Variants in GALNTL6 observed in about 807,000 individuals in gnomAD.
GALNTL6 encodes the protein polypeptide N-acetylgalactosaminyltransferase like 6, also known as polypeptide N-acetylgalactosaminyltransferase-like 6.
A neutral mutation model predicts 73.7 loss-of-function variants in GALNTL6; 46 were observed. That is an observed-to-expected ratio of 0.62 (90% CI 0.49 to 0.80). The LOEUF is 0.80. Among genes scored for constraint, GALNTL6 ranks in the 30% least tolerant of loss-of-function variants. The pLI is 0.00. For missense variants in GALNTL6, 604 were observed against 755.0 expected (o/e 0.80, Z 2.34); for synonymous variants, 259 against 263.7 (o/e 0.98, Z 0.17).
intron 2 of GALNTL6, among the ~76,000 whole-genome samples, chr4:171,841,631 T>C (rs1735241209): frequency 6.6e-6 from 1 of 152,048 alleles, no homozygotes; most frequent in African/African-American, 2.4e-5. Context: ...AGCTATTCCT[T>C]TAGGAGGAAA....
intron 5 of GALNTL6, among the ~76,000 whole-genome samples, chr4:172,492,067 G>A (rs531835497): frequency 1.4e-5 from 2 of 147,562 alleles, no homozygotes; most frequent in South Asian, 2.1e-4. Flanking sequence ...ACACGGAAGC[G>A]GTCTATTCAC....
rs182430114 is a variant in GALNTL6 at position 171,979,453 on chromosome 4, G to T, written c.138+164735G>T. 2.0e-5 allele frequency among the ~76,000 whole-genome samples: 3 copies of T among 152,264 alleles called. No homozygotes were observed. In the East Asian group the frequency reaches 5.8e-4, roughly 29 times the overall value. ...CAGACAACCCCAAGGGCTAGAAATTGGACAAAAACAACAATTAGGATTGAA... is the reference window on the plus strand; with the variant it reads ...CAGACAACCCCAAGGGCTAGAAATTTGACAAAAACAACAATTAGGATTGAA... On this transcript the variant is annotated intron_variant, in intron 2 of 12. Coordinates refer to ENST00000506823, the MANE Select transcript of GALNTL6 (RefSeq NM_001034845.3).
chr4:172,656,742 T>A (rs1366849090), intron 5 of GALNTL6, among the ~76,000 whole-genome samples: 1 of 152,202 alleles, frequency 6.6e-6, no homozygotes, highest in Non-Finnish European at 1.5e-5. Flanking sequence ...CTCCTTAAAG[T>A]TTCCCTTTAA....
At position 172,961,677 on chromosome 4, in the gene GALNTL6, G is replaced by A. The variant is rs184660480; in HGVS notation, c.1371+9419G>A. Among the ~76,000 whole-genome samples, 850 of 152,250 alleles carry A rather than the reference G, an allele frequency of 5.6e-3. 10 individuals carry two copies. The highest frequency in any genetic ancestry group is 0.019 in the African/African-American group (776 of 41,542). The stretch of plus-strand genomic sequence containing the variant: ...GAGAAGGGAGAGATTGAAAGATGGT[G>A]CCAAGATTGAAAGGAGAAAGAGGTT... On this transcript the variant is annotated intron_variant, in intron 10 of 12. Coordinates refer to ENST00000506823, the MANE Select transcript of GALNTL6 (RefSeq NM_001034845.3).
chr4:172,047,961 G>GCT (rs1335478870), intron 2 of GALNTL6, among the ~76,000 whole-genome samples: 1 of 151,830 alleles, frequency 6.6e-6, no homozygotes, highest in African/African-American at 2.4e-5. Flanking sequence ...TTCTAGTATT[G>GCT]CTCTTCAGTT....
rs546863066 is a variant in GALNTL6 at position 172,914,550 on chromosome 4, G to T, written c.1042-16611G>T. ...ATAAGCTCAAAATAAAGGGATGGAG[G>T]AAGATCTACCAAGCAAATGGAAAAC... On this transcript the variant is annotated intron_variant, in intron 8 of 12. Transcript: ENST00000506823. Among the ~76,000 whole-genome samples the T allele has an allele frequency of 6.4e-4, 98 of 152,276 alleles. 4 individuals carry two copies. Among genetic ancestry groups the T allele is most frequent in the Admixed American group, 5.8e-3 (88 of 15,304 alleles).
chr4:172,979,700 T>C (rs753228230), intron 10 of GALNTL6, among the ~76,000 whole-genome samples: 1 of 152,214 alleles, frequency 6.6e-6, no homozygotes, highest in Non-Finnish European at 1.5e-5. Flanking sequence ...CCCTGCTTGG[T>C]TCTTAAACAC....
At chr4:172,908,938 T>C (rs919378570) in intron 8 of GALNTL6, among the ~76,000 whole-genome samples, 2 of 151,578 alleles carry the variant, frequency 1.3e-5, no homozygotes, top group Non-Finnish European at 2.9e-5. Flanking sequence ...TAAGAAGAAA[T>C]AGAATAATAA....
chr4:173,015,738 G>GA (rs879839287), intron 11 of GALNTL6, among the ~76,000 whole-genome samples: 22 of 151,692 alleles, frequency 1.5e-4, no homozygotes, highest in East Asian at 3.9e-4. Flanking sequence ...CGATGAGATA[G>GA]AAAAAAAAAT....
At chr4:172,655,935 A>C (rs977532370) in intron 5 of GALNTL6, among the ~76,000 whole-genome samples, 1 of 152,206 alleles carries the variant, frequency 6.6e-6, no homozygotes, top group Non-Finnish European at 1.5e-5. Context: ...GAGTGTAACC[A>C]TTGCTGATTT....
chr4:171,836,218 T>C (rs1338751241), intron 2 of GALNTL6, among the ~76,000 whole-genome samples: 2 of 152,056 alleles, frequency 1.3e-5, no homozygotes, highest in Non-Finnish European at 2.9e-5. Flanking sequence ...TTAAATTATA[T>C]AAAAATAGTT....
At chr4:172,711,313 G>A (rs1221484208) in intron 5 of GALNTL6, among the ~76,000 whole-genome samples, 2 of 152,136 alleles carry the variant, frequency 1.3e-5, no homozygotes, top group South Asian at 2.1e-4. Context: ...TTCTGTAAAC[G>A]TATAGAGATT....
intron 5 of GALNTL6, among the ~76,000 whole-genome samples, chr4:172,372,708 G>T (rs905163913): frequency 6.6e-6 from 1 of 152,140 alleles, no homozygotes; most frequent in African/African-American, 2.4e-5. Context: ...AGGTTTTGAA[G>T]GCTGTTTCTG....
At chr4:172,855,861 G>A (rs986925834) in intron 7 of GALNTL6, among the ~76,000 whole-genome samples, 1 of 152,186 alleles carries the variant, frequency 6.6e-6, no homozygotes, top group African/African-American at 2.4e-5. Context: ...CTTCTTTAGA[G>A]AGGCCTGGAT....
intron 2 of GALNTL6, among the ~76,000 whole-genome samples, chr4:172,142,615 G>C (rs1733829662): frequency 6.6e-6 from 1 of 151,930 alleles, no homozygotes; most frequent in African/African-American, 2.4e-5. Context: ...AAGATAACTT[G>C]TCTGATGAAC....
At chr4:172,166,710 A>G (rs1352072475) in intron 2 of GALNTL6, among the ~76,000 whole-genome samples, 1 of 152,326 alleles carries the variant, frequency 6.6e-6, no homozygotes, top group Non-Finnish European at 1.5e-5. Context: ...GAGCTTTTAC[A>G]AACCAATTGC....
At chr4:172,080,008 A>G (rs1411311067) in intron 2 of GALNTL6, among the ~76,000 whole-genome samples, 1 of 152,110 alleles carries the variant, frequency 6.6e-6, no homozygotes, top group Non-Finnish European at 1.5e-5. Flanking sequence ...TTATAGACTT[A>G]TATTTTATGT....
chr4:172,075,630 C>CG (rs1339589847), intron 2 of GALNTL6, among the ~76,000 whole-genome samples: 1 of 152,042 alleles, frequency 6.6e-6, no homozygotes, highest in Non-Finnish European at 1.5e-5. Flanking sequence ...CCACCGCGCC[C>CG]GGCCCCCAAC....
intron 2 of GALNTL6, among the ~76,000 whole-genome samples, chr4:172,170,351 T>G (rs532741923): frequency 6.6e-6 from 1 of 152,240 alleles, no homozygotes; most frequent in East Asian, 1.9e-4. Flanking sequence ...CCTTCGGTCA[T>G]TCTCTCTCCT....
Sources: gnomAD v4.1 joint callset for allele counts (sites outside exome capture counted in the v4.1 genomes callset) on GRCh38, gnomAD v4.1.1 for gene constraint, MANE v1.5 for transcripts, NCBI Gene and HGNC (gene_info 2026-07-23, HGNC 2026-07-21) for gene names.